Variants in INTS7 observed in about 807,000 individuals in gnomAD.
The protein encoded by INTS7 is integrator complex subunit 7.
INTS7 carries 46 observed loss-of-function variants against 109.2 expected under a neutral mutation model. That is an observed-to-expected ratio of 0.42 (90% CI 0.33 to 0.54). The LOEUF is 0.54. Among genes scored for constraint, INTS7 ranks in the 20% least tolerant of loss-of-function variants. The pLI is 0.07. For synonymous variants in INTS7, 412 were observed against 402.9 expected, an observed-to-expected ratio of 1.02 and a Z score of -0.27; for missense variants, 929 against 1,132.4, an observed-to-expected ratio of 0.82 and a Z score of 2.58.
intron 1 of INTS7, chr1:212,025,729 T>C (rs1305901349): frequency 6.5e-6 from 1 of 154,130 alleles, no homozygotes; most frequent in East Asian, 1.8e-4. Flanking sequence ...AATACCTTGG[T>C]AAGGATTTAA....
rs80101132 is a variant in INTS7, at chr1:211,945,089, C to G, written c.2416-120G>C. 3.0e-3 allele frequency: 2,520 copies of G among 836,554 alleles called. 39 individuals carry two copies. In the African/African-American group the frequency reaches 0.036, roughly 12 times the overall value. 51.8% of individuals were successfully genotyped at this position (836,554 alleles called of 1,614,324 possible). On this transcript the variant is annotated intron_variant, in intron 18 of 19. Transcript: ENST00000366994. ...ATTCGATTGTGCACTCCCCCACCCC[C>G]ACAGGACCTGACTGTGCCAGGACAA...
chr1:211,977,426 G>C (rs894948507), intron 11 of INTS7, among the ~76,000 whole-genome samples: 3 of 152,126 alleles, frequency 2.0e-5, no homozygotes, highest in African/African-American at 7.2e-5. Flanking sequence ...AATAAACTTA[G>C]CTAACTGCCT....
At chr1:211,990,522 C>T (rs370610746) in intron 7 of INTS7, among the ~76,000 whole-genome samples, 304 of 152,202 alleles carry the variant, frequency 2.0e-3, no homozygotes, top group African/African-American at 6.6e-3. Context: ...TCATGGTATA[C>T]TTTTGAGCTC....
At chr1:212,033,955 C>A (rs1305124369) in intron 1 of INTS7, among the ~76,000 whole-genome samples, 1 of 151,934 alleles carries the variant, frequency 6.6e-6, no homozygotes, top group African/African-American at 2.4e-5. Context: ...TGGTGGCGGG[C>A]GCCTGTAATT....
At chr1:212,012,985 G>T (rs1666226432) in intron 4 of INTS7, among the ~76,000 whole-genome samples, 1 of 152,188 alleles carries the variant, frequency 6.6e-6, no homozygotes. Context: ...CTGACACCTT[G>T]GCAGTGGTAA....
At chr1:212,001,152 T>C (rs1403968028) in intron 7 of INTS7, among the ~76,000 whole-genome samples, 1 of 151,024 alleles carries the variant, frequency 6.6e-6, no homozygotes, top group African/African-American at 2.4e-5. Context: ...CCGCAACCTC[T>C]GCTTCCCGGA....
rs749597842 is a variant in INTS7 at position 211,987,975 on chromosome 1, G to A, written c.908C>T (p.Pro303Leu). 6.2e-7 allele frequency: 1 copy of A among 1,609,090 alleles called. No individual in the cohort carries two copies. The highest frequency in any genetic ancestry group is 8.5e-7 in the Non-Finnish European group (1 of 1,175,986). ...CATCCCTAGTTTTAAGCTGTCATAA[G>A]GAGTCTGGAGGGCACACTCACAAAG... ...QALCECALQT[P>L]YDSLKLGMLS... The change falls in exon 8 of 20, where the codon CCT (proline) becomes CTT (leucine). Residue 303 changes from proline (P) to leucine (L), a missense_variant. By Grantham distance (98) the Pro-to-Leu change is moderately conservative. This residue lies in a region of INTS7 where 787 missense variants were observed against 901.1 expected (regional missense o/e 0.87). Coordinates refer to ENST00000366994, the MANE Select transcript of INTS7 (RefSeq NM_015434.4).
chr1:212,007,595 C>T, intron 5 of INTS7, 146 bp from the exon 6 acceptor site: 1 of 584,580 alleles, frequency 1.7e-6, no homozygotes, highest in Non-Finnish European at 3.0e-6. Context: ...TATACTAGAA[C>T]CAATTGATAA....
chr1:212,020,889 C>T (rs1571913541), intron 2 of INTS7, 194 bp downstream of exon 2: 6 of 594,880 alleles, frequency 1.0e-5, no homozygotes, highest in African/African-American at 1.9e-5. Flanking sequence ...AAATAAGTAT[C>T]GTCTAAATTA....
intron 13 of INTS7, among the ~76,000 whole-genome samples, chr1:211,969,292 A>T (rs1464508191): frequency 6.6e-6 from 1 of 151,740 alleles, no homozygotes; most frequent in East Asian, 1.9e-4. Flanking sequence ...CAAAAAAAAA[A>T]ACAAAGAAAA....
Position 212,032,808 on chromosome 1 carries a change from C to T in INTS7, c.94+2536G>A, listed in dbSNP as rs1667231555. On this transcript the variant is annotated intron_variant, in intron 1 of 19. Transcript: ENST00000366994. The stretch of plus-strand genomic sequence containing the variant: ...CTGGTTATCTTTCTATACTCATTGC[C>T]TATTACTTTGCTCCAGATAACTGCA... 2.0e-5 allele frequency among the ~76,000 whole-genome samples: 3 copies of T among 152,172 alleles called. No individual in the cohort carries two copies. The South Asian group carries it at 6.2e-4, about 32-fold the overall frequency.
chr1:211,967,591 C>T (rs1286567168), intron 15 of INTS7, among the ~76,000 whole-genome samples: 1 of 151,796 alleles, frequency 6.6e-6, no homozygotes, highest in Non-Finnish European at 1.5e-5. Flanking sequence ...GTTGTGTTGT[C>T]TGTTGTAGCT....
At chr1:211,985,626 C>T (rs942363867) in intron 8 of INTS7, among the ~76,000 whole-genome samples, 2 of 152,146 alleles carry the variant, frequency 1.3e-5, no homozygotes, top group Non-Finnish European at 1.5e-5. Flanking sequence ...AGTTATTGTG[C>T]ATGTAAGTCA....
At chr1:212,006,903 T>C in intron 6 of INTS7, 142 bp from the exon 7 acceptor site, 1 of 668,640 alleles carries the variant, frequency 1.5e-6, no homozygotes, top group Non-Finnish European at 2.5e-6. Context: ...TGTGCCCACA[T>C]TTGGGCCTCT....
At chr1:212,005,107 T>C (rs1159126594) in intron 7 of INTS7, among the ~76,000 whole-genome samples, 1 of 152,108 alleles carries the variant, frequency 6.6e-6, no homozygotes, top group African/African-American at 2.4e-5. Context: ...CTGTTTGCAA[T>C]AGGCCCATGC....
In INTS7 at chr1:212,035,450, T is replaced by A. The variant is rs1423859848; in HGVS notation, c.-13A>T. On this transcript the variant is annotated 5_prime_UTR_variant, in exon 1 of 20. Transcript: ENST00000366994. ...AGTTTGACGCCATGACCCGAATAGT[T>A]ACTCGACTAGCCTAGTCAGAAAGCT... The A allele has an allele frequency of 1.3e-5, 21 of 1,586,512 alleles. No homozygotes were observed. The highest frequency in any genetic ancestry group is 1.7e-5 in the Non-Finnish European group (20 of 1,155,024).
At chr1:211,958,522 C>A (rs2102397716) in intron 16 of INTS7, among the ~76,000 whole-genome samples, 1 of 152,184 alleles carries the variant, frequency 6.6e-6, no homozygotes, top group South Asian at 2.1e-4. Flanking sequence ...GTTTTCCCTG[C>A]TAGAGGTTCA....
chr1:212,017,141 C>T, intron 3 of INTS7, 118 bp from the exon 4 acceptor site: 1 of 666,936 alleles, frequency 1.5e-6, no homozygotes, highest in Non-Finnish European at 2.4e-6. Context: ...TTCTATGTAA[C>T]TCCAGTTAAT....
At position 211,944,855 on chromosome 1, in the gene INTS7, A is replaced by T; in HGVS notation, c.2530T>A (p.Phe844Ile). Residue 844 changes from phenylalanine (F) to isoleucine (I), a missense_variant, in exon 19 of 20, where the codon TTC becomes ATC. Transcript: ENST00000366994. ...VVQHGSKPGL[F>I]RKIQSVCLNV... ...AGACAGACAGACTGAATTTTGCGGA[A>T]GAGTCCTGGTTTAGATCCGTGCTGA... The T allele has an allele frequency of 6.2e-7, 1 of 1,614,224 alleles. No homozygotes were observed. Among genetic ancestry groups the T allele is most frequent in the Non-Finnish European group, 8.5e-7 (1 of 1,180,026 alleles).
Sources: gnomAD v4.1 joint callset for allele counts (sites outside exome capture counted in the v4.1 genomes callset) on GRCh38, gnomAD v4.1.1 for gene constraint, gnomAD v4.1.1 regional missense constraint, MANE v1.5 for transcripts, NCBI Gene and HGNC (gene_info 2026-07-23, HGNC 2026-07-21) for gene names.